PPP1R16B: variants seen among roughly 807,000 people sequenced by gnomAD.
PPP1R16B encodes protein phosphatase 1 regulatory subunit 16B, also known as protein phosphatase 1 regulatory inhibitor subunit 16B.
A neutral mutation model predicts 61.7 loss-of-function variants in PPP1R16B; 14 were observed. That is an observed-to-expected ratio of 0.23 (90% CI 0.15 to 0.35). The LOEUF (loss-of-function observed/expected upper bound fraction) is 0.35, where lower values mean the gene tolerates loss of function less well. PPP1R16B is among the 10% of genes least tolerant of loss of function. PPP1R16B has a pLI of 1.00. For synonymous variants in PPP1R16B, 266 were observed against 305.3 expected (o/e 0.87, Z 1.34); for missense variants, 547 against 752.5 (o/e 0.73, Z 3.19).
In PPP1R16B at chr20:38,900,608, G is replaced by A. The variant is rs34142152; in HGVS notation, c.495G>A (p.Ser165=). 385 of 1,601,588 alleles carry A rather than the reference G, an allele frequency of 2.4e-4. No homozygotes were observed. In the African/African-American group the frequency reaches 4.5e-3, roughly 19 times the overall value. The stretch of plus-strand genomic sequence containing the variant: ...GGGCCGACTTGCTTGCTGTCAACTC[G>A]GATGGGAACATGCCATATGACCTCT... The part of the protein sequence containing the change: ...QYGADLLAVN[S]DGNMPYDLCE... The change falls in exon 5 of 11, where the codon TCG becomes TCA. Residue 165 remains serine, a synonymous_variant. Coordinates refer to ENST00000299824, the MANE Select transcript of PPP1R16B (RefSeq NM_015568.4).
intron 10 of PPP1R16B, among the ~76,000 whole-genome samples, chr20:38,910,437 T>C (rs913195170): frequency 6.6e-6 from 1 of 152,258 alleles, no homozygotes; most frequent in African/African-American, 2.4e-5. Flanking sequence ...AAGATTAATT[T>C]TGTATATGCA....
chr20:38,835,918 C>A lies in PPP1R16B; in HGVS notation c.-8C>A. 1 of 1,532,956 alleles carries A rather than the reference C, an allele frequency of 6.5e-7. No individual in the cohort carries two copies. The highest frequency in any genetic ancestry group is 1.2e-5 in the South Asian group (1 of 83,062). The allele number at this position is 1,532,956 out of a possible 1,614,324, so 95.0% of individuals were successfully genotyped here. On this transcript the variant is annotated 5_prime_UTR_variant, in exon 2 of 11. Transcript: ENST00000299824. ...CCCCCAGCCAGGGCGTTGGGGAGGG[C>A]GGTGGCCATGGCCAGTCACGTGGAC...
At chr20:38,859,076 C>T (rs1050307628) in intron 2 of PPP1R16B, among the ~76,000 whole-genome samples, 1 of 152,104 alleles carries the variant, frequency 6.6e-6, no homozygotes, top group Admixed American at 6.5e-5. Context: ...GAACAGCTAC[C>T]AAGCCGACCC....
At position 38,903,541 on chromosome 20, in the gene PPP1R16B, C is replaced by T. The variant is rs2085413529; in HGVS notation, c.696+749C>T. Among the ~76,000 whole-genome samples the T allele has an allele frequency of 8.9e-5, 9 of 100,880 alleles. No individual in the cohort carries two copies. The South Asian group carries it at 3.3e-3, about 37-fold the overall frequency. The allele number at this position is 100,880 out of a possible 152,430, so 66.2% of individuals were successfully genotyped here. On this transcript the variant is annotated intron_variant, in intron 6 of 10. Coordinates refer to ENST00000299824, the MANE Select transcript of PPP1R16B (RefSeq NM_015568.4). ...TCCATTGGTCCATCCAACCATCCAT[C>T]CATCCATCCATCCATCCATCCATCC...
chr20:38,879,684 T>C (rs1054357462), intron 2 of PPP1R16B, among the ~76,000 whole-genome samples: 1 of 152,230 alleles, frequency 6.6e-6, no homozygotes, highest in African/African-American at 2.4e-5. Context: ...AAGGGTGTGC[T>C]GTCACTTTTC....
rs76212753 is a variant in PPP1R16B at position 38,807,770 on chromosome 20, T to C, written c.-102+1978T>C. ...GGGTCTACCTAACAGTGTTCCCCTG[T>C]CCTGGAACCTTCCTGGCTCCAGCTC... is the stretch of plus-strand genomic sequence containing the variant. On this transcript the variant is annotated intron_variant, in intron 1 of 10. Transcript: ENST00000299824. Among the ~76,000 whole-genome samples, 428 of 152,290 alleles carry C rather than the reference T, an allele frequency of 2.8e-3. 18 individuals are homozygous for C. The East Asian group carries it at 0.078, about 28-fold the overall frequency.
chr20:38,888,317 G>A (rs1034682228), intron 2 of PPP1R16B, among the ~76,000 whole-genome samples: 3 of 152,302 alleles, frequency 2.0e-5, no homozygotes, highest in East Asian at 3.9e-4. Flanking sequence ...TCATCAGCAC[G>A]ATGGCACGAG....
chr20:38,850,904 G>A lies in PPP1R16B; in HGVS notation c.250+14729G>A, dbSNP rs1339328646. Among the ~76,000 whole-genome samples the A allele has an allele frequency of 2.0e-5, 3 of 150,168 alleles. No individual in the cohort carries two copies. The Admixed American group carries it at 2.0e-4, about 10-fold the overall frequency. ...AATTGCTTGAACACGGGAGGTGGAG[G>A]TTGCAGTGAGCCGAGATCATGCCAC... is the stretch of plus-strand genomic sequence containing the variant. On this transcript the variant is annotated intron_variant, in intron 2 of 10. Transcript: ENST00000299824.
intron 4 of PPP1R16B, among the ~76,000 whole-genome samples, chr20:38,896,167 C>CCCCT (rs2085346416): frequency 3.3e-5 from 4 of 120,502 alleles, no homozygotes; most frequent in Admixed American, 8.4e-5. Flanking sequence ...CCCTCCCTTC[C>CCCCT]TTCCTTCTTT....
intron 1 of PPP1R16B, among the ~76,000 whole-genome samples, chr20:38,817,714 C>T (rs868036533): frequency 6.6e-6 from 1 of 152,076 alleles, no homozygotes; most frequent in African/African-American, 2.4e-5. Context: ...GAGGAGTTTG[C>T]CAGGTGGAGA....
At chr20:38,894,380 G>A (rs1461355201) in intron 3 of PPP1R16B, among the ~76,000 whole-genome samples, 2 of 152,174 alleles carry the variant, frequency 1.3e-5, no homozygotes, top group South Asian at 2.1e-4. Context: ...GTCGTTTCTG[G>A]AGGCCAGGCC....
chr20:38,837,892 T>C (rs2084883184), intron 2 of PPP1R16B, among the ~76,000 whole-genome samples: 1 of 152,202 alleles, frequency 6.6e-6, no homozygotes, highest in Non-Finnish European at 1.5e-5. Context: ...CCATGTTTAA[T>C]TTAATTATAT....
rs151284080 is a variant in PPP1R16B at position 38,873,674 on chromosome 20, CTA to C, written c.251-15919_251-15918del. Among the ~76,000 whole-genome samples, 10 of 152,130 alleles carry C rather than the reference CTA, an allele frequency of 6.6e-5. 1 individual carries two copies. In the East Asian group the frequency reaches 1.7e-3, roughly 26 times the overall value. ...TTTTCACAGGACTGCTAAGTCCACA[CTA>C]TGACAGCTGGCTTTCCCAGAACAGG... On this transcript the variant is annotated intron_variant, in intron 2 of 10. Transcript: ENST00000299824.
intron 2 of PPP1R16B, among the ~76,000 whole-genome samples, chr20:38,870,097 T>C (rs1002273670): frequency 6.6e-6 from 1 of 152,058 alleles, no homozygotes. Context: ...CTAATTTTTG[T>C]ATTTTTAGTA....
intron 3 of PPP1R16B, among the ~76,000 whole-genome samples, chr20:38,892,414 G>A (rs1291055022): frequency 2.0e-5 from 3 of 152,084 alleles, no homozygotes; most frequent in Non-Finnish European, 2.9e-5. Flanking sequence ...GCTGAAACCC[G>A]CACCTCACCC....
At chr20:38,807,136 A>G (rs1431884826) in intron 1 of PPP1R16B, among the ~76,000 whole-genome samples, 1 of 152,178 alleles carries the variant, frequency 6.6e-6, no homozygotes, top group Non-Finnish European at 1.5e-5. Context: ...TGGCGGCCTC[A>G]GTCCGCAGGG....
intron 2 of PPP1R16B, among the ~76,000 whole-genome samples, chr20:38,873,356 G>A (rs941836440): frequency 3.9e-5 from 6 of 152,162 alleles, no homozygotes; most frequent in Admixed American, 1.3e-4. Context: ...TCAGCGTGAT[G>A]CCTTCAGGTT....
chr20:38,854,186 C>G (rs1380236520), intron 2 of PPP1R16B, among the ~76,000 whole-genome samples: 2 of 152,154 alleles, frequency 1.3e-5, no homozygotes, highest in African/African-American at 4.8e-5. Context: ...ATGGGGTGGA[C>G]CAAACACTGC....
rs776601737 is a variant in PPP1R16B at position 38,907,858 on chromosome 20, G to A, written c.951G>A (p.Lys317=). ...TCCTGCTGCTGGAGCTAAAACACAA[G>A]CATGATGTGATCATGAAGTCACAGC... The part of the protein sequence containing the change: ...FKVLLLELKH[K]HDVIMKSQLR... The change falls in exon 9 of 11, where the codon AAG becomes AAA. Residue 317 remains lysine (K), a synonymous_variant. Coordinates refer to ENST00000299824, the MANE Select transcript of PPP1R16B (RefSeq NM_015568.4). This position sits in a 1 kb window ranked among gnomAD's most constrained non-coding sequence, Gnocchi z 4.5. The A allele has an allele frequency of 6.2e-7, 1 of 1,614,182 alleles. No individual in the cohort carries two copies. The highest frequency in any genetic ancestry group is 8.5e-7 in the Non-Finnish European group (1 of 1,180,012).
Sources: allele counts gnomAD v4.1 joint callset (sites outside exome capture counted in the v4.1 genomes callset), GRCh38; gene constraint gnomAD v4.1.1; non-coding constraint Gnocchi (gnomAD v3.1); transcripts MANE v1.5; gene names NCBI Gene and HGNC (gene_info 2026-07-23, HGNC 2026-07-21).